Variants in MEGF10 observed in about 807,000 individuals in gnomAD.
MEGF10 encodes multiple EGF like domains 10, also known as multiple epidermal growth factor-like domains protein 10.
In MEGF10, 86 loss-of-function variants were observed where a neutral mutation model predicts 147.5. The ratio of observed to expected loss-of-function variants is 0.58; its 90% confidence interval spans 0.49 to 0.70. The LOEUF is 0.70. Among genes scored for constraint, MEGF10 ranks in the 30% least tolerant of loss-of-function variants. The probability of loss-of-function intolerance (pLI) is 0.00; values close to 1 mark genes in which losing one functional copy is unlikely to be tolerated. For synonymous variants in MEGF10, 478 were observed against 525.5 expected (o/e 0.91, Z 1.24); for missense variants, 1,329 against 1,487.3 (o/e 0.89, Z 1.75).
intron 11 of MEGF10, 117 bp from the exon 12 acceptor site, chr5:127,419,927 T>C: frequency 1.7e-6 from 2 of 1,206,418 alleles, no homozygotes; most frequent in South Asian, 3.0e-5. Flanking sequence ...TCTCTGCTGC[T>C]GTGGCTGGGG....
intron 10 of MEGF10, 78 bp downstream of exon 10, chr5:127,417,890 C>T: frequency 7.0e-7 from 1 of 1,429,414 alleles, no homozygotes; most frequent in South Asian, 1.3e-5. Context: ...TATATGACCT[C>T]CAGTGAAATA....
chr5:127,250,184 T>C, the MEGF10 span, among the ~76,000 whole-genome samples: 1 of 152,008 alleles, frequency 6.6e-6, no homozygotes, highest in African/African-American at 2.4e-5. Context: ...GACTTCAAGA[T>C]GAGGATTGTT....
At chr5:127,260,594 C>T in the MEGF10 span, among the ~76,000 whole-genome samples, 1 of 152,126 alleles carries the variant, frequency 6.6e-6, no homozygotes, top group Non-Finnish European at 1.5e-5. Flanking sequence ...CTCATTGTCT[C>T]CTGTTGTAGT....
chr5:127,296,069 T>C (rs1439011985), intron 1 of MEGF10, among the ~76,000 whole-genome samples: 2 of 152,236 alleles, frequency 1.3e-5, no homozygotes, highest in African/African-American at 2.4e-5. Context: ...TGCATTATTG[T>C]TCACCATGAT....
rs1216918866 is a variant in MEGF10, at chr5:127,325,875, A to ATG, written c.-18-5404_-18-5403dup. Among the ~76,000 whole-genome samples the ATG allele has an allele frequency of 4.2e-4, 54 of 129,278 alleles. No individual in the cohort carries two copies. The East Asian group carries it at 6.8e-3, about 16-fold the overall frequency. The allele number at this position is 129,278 out of a possible 152,430, so 84.8% of individuals were successfully genotyped here. Reference sequence around the variant, plus strand: ...TGTGTGTATATATATATATACATATATGTGTGTGTGTGTATATATATATAT... The same window carrying ATG: ...TGTGTGTATATATATATATACATATATGTGTGTGTGTGTGTATATATATATAT... On this transcript the variant is annotated intron_variant, in intron 1 of 24. Coordinates refer to ENST00000503335, the MANE Select transcript of MEGF10 (RefSeq NM_001256545.2).
intron 9 of MEGF10, among the ~76,000 whole-genome samples, chr5:127,416,700 T>G (rs895639232): frequency 1.3e-5 from 2 of 152,088 alleles, no homozygotes; most frequent in Admixed American, 1.3e-4. Flanking sequence ...ATATAGGATA[T>G]AAGATTATGG....
chr5:127,276,375 T>C, the MEGF10 span, among the ~76,000 whole-genome samples: 1 of 152,146 alleles, frequency 6.6e-6, no homozygotes, highest in Non-Finnish European at 1.5e-5. Context: ...TAAAGAAAAA[T>C]TAAAGCCTTG....
At chr5:127,249,076 T>C in the MEGF10 span, among the ~76,000 whole-genome samples, 4 of 152,012 alleles carry the variant, frequency 2.6e-5, no homozygotes, top group African/African-American at 9.7e-5. Context: ...TTTTATTTTC[T>C]CACCTTTAAA....
the MEGF10 span, among the ~76,000 whole-genome samples, chr5:127,239,461 AATAT>A: frequency 1.5e-5 from 2 of 131,310 alleles, no homozygotes; most frequent in East Asian, 2.1e-4. Flanking sequence ...TTATATATAA[AATAT>A]ATATATATAT....
At chr5:127,440,551 T>G (rs1048633117) in intron 17 of MEGF10, among the ~76,000 whole-genome samples, 188 bp from the exon 18 acceptor site, 1 of 152,204 alleles carries the variant, frequency 6.6e-6, no homozygotes, top group Non-Finnish European at 1.5e-5. Context: ...AATTACAACC[T>G]CCTTGCAAGA....
In MEGF10 at chr5:127,440,741, T is replaced by A; in HGVS notation, c.2236T>A (p.Cys746Ser). Residue 746 changes from cysteine to serine, a missense_variant and splice_region_variant, in exon 18 of 25, where the codon TGT (cysteine) becomes AGT (serine). Around this residue, in one of 3 missense-constraint regions of MEGF10, gnomAD observed 980 missense variants for 1,085.9 expected, o/e 0.90. Coordinates refer to ENST00000503335, the MANE Select transcript of MEGF10 (RefSeq NM_001256545.2). ...GWTGLYCTQRCPLGFYGKDCA... is the reference protein window; with the variant it reads ...GWTGLYCTQRSPLGFYGKDCA... ...TACTGTCCTCCCTCCTCCCACAGGA[T>A]GTCCTCTAGGGTTTTATGGAAAAGA... 1 of 1,613,918 alleles carries A rather than the reference T, an allele frequency of 6.2e-7. No homozygotes were observed. Among genetic ancestry groups the A allele is most frequent in the Non-Finnish European group, 8.5e-7 (1 of 1,179,890 alleles).
intron 5 of MEGF10, among the ~76,000 whole-genome samples, chr5:127,377,426 C>A (rs1441342189): frequency 6.6e-6 from 1 of 152,082 alleles, no homozygotes; most frequent in Non-Finnish European, 1.5e-5. Flanking sequence ...CACATAGCGG[C>A]AAAAATAGAA....
At chr5:127,261,472 TG>T in the MEGF10 span, among the ~76,000 whole-genome samples, 1 of 152,224 alleles carries the variant, frequency 6.6e-6, no homozygotes, top group Admixed American at 6.5e-5. Flanking sequence ...CTAAATATAT[TG>T]CATAGTATCA....
At chr5:127,379,218 C>T (rs184846795) in intron 5 of MEGF10, among the ~76,000 whole-genome samples, 94 of 152,248 alleles carry the variant, frequency 6.2e-4, no homozygotes, top group Middle Eastern at 3.4e-3. Flanking sequence ...CTGGTGATCG[C>T]GGTAGTCTCT....
chr5:127,433,281 C>T, intron 13 of MEGF10, 82 bp from the exon 14 acceptor site: 1 of 1,563,234 alleles, frequency 6.4e-7, no homozygotes. Flanking sequence ...ACACTGTGAG[C>T]TTAGTCCTCA....
the MEGF10 span, among the ~76,000 whole-genome samples, chr5:127,247,955 G>A: frequency 6.6e-6 from 1 of 152,034 alleles, no homozygotes. Context: ...ACGTCAGGTC[G>A]AGATTCTGCA....
rs1192124186 is a variant in MEGF10, at chr5:127,457,287, G to GCAGCAGCAA, written c.3401_3409dup (p.Asn1134_Ser1136dup). The GCAGCAGCAA allele has an allele frequency of 1.2e-6, 2 of 1,613,420 alleles. No individual in the cohort carries two copies. The highest frequency in any genetic ancestry group is 3.3e-5 in the Admixed American group (2 of 59,984). On this transcript the variant is annotated inframe_insertion, in exon 25 of 25. Coordinates refer to ENST00000503335, the MANE Select transcript of MEGF10 (RefSeq NM_001256545.2). ...CCTAAGCAAGAGGACAGTGGTGGTA[G>GCAGCAGCAA]CAGCAGCAACAGCAGCAGCAGCAGT...
In MEGF10 at chr5:127,438,372, A is replaced by G; in HGVS notation, c.2105-67A>G. 1.9e-6 allele frequency: 3 copies of G among 1,557,880 alleles called. No homozygotes were observed. The East Asian group carries it at 6.7e-5, about 35-fold the overall frequency. On this transcript the variant is annotated intron_variant, in intron 16 of 24. Transcript: ENST00000503335. Reference sequence around the variant, plus strand: ...CATGCAGGGAGATGTGTAGAGGTGGATGGAATTCTCCCTACTTAGTATTGG... The same window carrying G: ...CATGCAGGGAGATGTGTAGAGGTGGGTGGAATTCTCCCTACTTAGTATTGG...
chr5:127,404,365 G>T (rs1271808560), intron 8 of MEGF10, among the ~76,000 whole-genome samples: 1 of 151,818 alleles, frequency 6.6e-6, no homozygotes, highest in African/African-American at 2.4e-5. Flanking sequence ...CTGGTCATTA[G>T]GTTGGTGCAA....
Sources: allele counts gnomAD v4.1 joint callset (sites outside exome capture counted in the v4.1 genomes callset), GRCh38; gene constraint gnomAD v4.1.1; regional missense constraint gnomAD v4.1.1; transcripts MANE v1.5; gene names NCBI Gene and HGNC (gene_info 2026-07-23, HGNC 2026-07-21).